Variants in ACTR3B observed in about 807,000 individuals in gnomAD.
ACTR3B encodes actin related protein 3B, also known as actin-related protein 3B.
In ACTR3B, 8 loss-of-function variants were observed where a neutral mutation model predicts 59.0. The observed-to-expected ratio is 0.14, with a 90% CI of 0.08 to 0.24. ACTR3B has a LOEUF of 0.24. ACTR3B is among the 10% of genes least tolerant of loss of function. The probability of loss-of-function intolerance (pLI) is 1.00; values close to 1 mark genes in which losing one functional copy is unlikely to be tolerated. For missense variants in ACTR3B, 245 were observed against 552.3 expected (o/e 0.44, Z 5.58); for synonymous variants, 148 against 197.9 (o/e 0.75, Z 2.12).
chr7:152,766,469 A>C (rs1365859944), intron 1 of ACTR3B, among the ~76,000 whole-genome samples: 3 of 152,196 alleles, frequency 2.0e-5, no homozygotes, highest in African/African-American at 7.2e-5. Flanking sequence ...AACTACTTTT[A>C]GCATTTAGGG....
intron 7 of ACTR3B, among the ~76,000 whole-genome samples, chr7:152,821,689 T>A (rs1340334322): frequency 1.3e-5 from 2 of 152,058 alleles, no homozygotes; most frequent in Non-Finnish European, 2.9e-5. Flanking sequence ...ACTGTGTGTC[T>A]CCCCCCTGTG....
chr7:152,823,642 C>A (rs1327849098), intron 8 of ACTR3B, 127 bp downstream of exon 8: 15 of 1,207,292 alleles, frequency 1.2e-5, no homozygotes, highest in East Asian at 2.4e-5. Flanking sequence ...CTCTCTGCAT[C>A]CCCTGTGCAG....
At chr7:152,828,550 CTGTGGGTT>C (rs1796766719) in intron 9 of ACTR3B, among the ~76,000 whole-genome samples, 1 of 151,968 alleles carries the variant, frequency 6.6e-6, no homozygotes, top group Non-Finnish European at 1.5e-5. Flanking sequence ...ATCAGTAGGT[CTGTGGGTT>C]TTTAAAAATA....
At chr7:152,800,802 G>T (rs2098233270) in intron 3 of ACTR3B, 147 bp downstream of exon 3, 3 of 995,030 alleles carry the variant, frequency 3.0e-6, no homozygotes, top group South Asian at 1.8e-5. Flanking sequence ...GTGATGGTTG[G>T]TTTTGAATGG....
intron 7 of ACTR3B, among the ~76,000 whole-genome samples, chr7:152,822,962 G>A (rs373146693): frequency 2.0e-5 from 3 of 152,228 alleles, no homozygotes; most frequent in Non-Finnish European, 2.9e-5. Context: ...GCACGGGTCC[G>A]CTGGTCCAGT....
chr7:152,792,662 T>G (rs963477737), intron 2 of ACTR3B, among the ~76,000 whole-genome samples: 1 of 152,034 alleles, frequency 6.6e-6, no homozygotes, highest in African/African-American at 2.4e-5. Flanking sequence ...GCAGGAGAAT[T>G]GCTTGAACCT....
At chr7:152,799,311 T>C (rs970438774) in intron 2 of ACTR3B, among the ~76,000 whole-genome samples, 1 of 152,242 alleles carries the variant, frequency 6.6e-6, no homozygotes, top group African/African-American at 2.4e-5. Flanking sequence ...ATTTCTCTAA[T>C]GTCTGTTCTG....
At chr7:152,832,901 A>G (rs139700442) in intron 9 of ACTR3B, among the ~76,000 whole-genome samples, 4,469 of 152,256 alleles carry the variant, frequency 0.029, 95 homozygotes, top group Middle Eastern at 0.099. Context: ...CATCCACAAA[A>G]CACCCTCACA....
chr7:152,839,033 C>T (rs1797681851), intron 9 of ACTR3B, among the ~76,000 whole-genome samples: 1 of 151,470 alleles, frequency 6.6e-6, no homozygotes, highest in African/African-American at 2.4e-5. Flanking sequence ...GACTTGCGAC[C>T]TGGCAGGGAG....
At chr7:152,791,879 G>A (rs2116679734) in intron 2 of ACTR3B, among the ~76,000 whole-genome samples, 1 of 152,216 alleles carries the variant, frequency 6.6e-6, no homozygotes, top group African/African-American at 2.4e-5. Context: ...CAGCAGTAAT[G>A]CTACTACTCA....
At chr7:152,834,901 A>G (rs1271192479) in intron 9 of ACTR3B, among the ~76,000 whole-genome samples, 1 of 152,200 alleles carries the variant, frequency 6.6e-6, no homozygotes, top group Non-Finnish European at 1.5e-5. Flanking sequence ...TTCCAGTTGC[A>G]GTTCTGAGTG....
At position 152,823,488 on chromosome 7, in the gene ACTR3B, G is replaced by A. The variant is rs1485209599; in HGVS notation, c.831G>A (p.Leu277=). Residue 277 remains leucine, a synonymous_variant, in exon 8 of 12, where the codon CTG becomes CTA. Coordinates refer to ENST00000256001, the MANE Select transcript of ACTR3B (RefSeq NM_020445.6). ...TAGACGTTGGTTACGAAAGATTCCTGGGACCTGAAATATTCTTTCACCCGG... is the reference window on the plus strand; with the variant it reads ...TAGACGTTGGTTACGAAAGATTCCTAGGACCTGAAATATTCTTTCACCCGG... The part of the protein sequence containing the change: ...FVIDVGYERF[L]GPEIFFHPEF... 5.0e-6 allele frequency: 8 copies of A among 1,614,020 alleles called. No homozygotes were observed. Among genetic ancestry groups the A allele is most frequent in the Non-Finnish European group, 5.9e-6 (7 of 1,180,010 alleles).
rs186316904 is a variant in ACTR3B at position 152,809,020 on chromosome 7, C to T, written c.337-5530C>T. Among the ~76,000 whole-genome samples, 5 of 152,138 alleles carry T rather than the reference C, an allele frequency of 3.3e-5. No individual in the cohort carries two copies. In the East Asian group the frequency reaches 5.8e-4, roughly 18 times the overall value. On this transcript the variant is annotated intron_variant, in intron 4 of 11. Coordinates refer to ENST00000256001, the MANE Select transcript of ACTR3B (RefSeq NM_020445.6). ...AATGAAGGAAATCTAAAGTAGTAAT[C>T]GCTAACATTTATACTTCTAACTGTG...
chr7:152,793,355 T>C, intron 2 of ACTR3B, among the ~76,000 whole-genome samples: 1 of 121,260 alleles, frequency 8.2e-6, no homozygotes, highest in Non-Finnish European at 1.7e-5. Flanking sequence ...TCTTCCAGTC[T>C]ATTTTCTCTC....
At chr7:152,763,788 CTA>C (rs1048196200) in intron 1 of ACTR3B, among the ~76,000 whole-genome samples, 1 of 152,090 alleles carries the variant, frequency 6.6e-6, no homozygotes, top group African/African-American at 2.4e-5. Flanking sequence ...TTTTTGAACT[CTA>C]TTATTCTGTC....
At chr7:152,853,798 C>G (rs1418755477) in intron 11 of ACTR3B, among the ~76,000 whole-genome samples, 1 of 152,076 alleles carries the variant, frequency 6.6e-6, no homozygotes, top group Non-Finnish European at 1.5e-5. Flanking sequence ...CTCACTGCAA[C>G]CTCCGCCTCC....
At chr7:152,834,193 G>A (rs140115035) in intron 9 of ACTR3B, among the ~76,000 whole-genome samples, 2 of 148,498 alleles carry the variant, frequency 1.3e-5, no homozygotes, top group African/African-American at 5.0e-5. Flanking sequence ...CGCTCTTGTC[G>A]CCCAGCCTGG....
At chr7:152,821,374 C>T (rs1796138762) in intron 7 of ACTR3B, among the ~76,000 whole-genome samples, 2 of 152,022 alleles carry the variant, frequency 1.3e-5, no homozygotes, top group South Asian at 4.1e-4. Flanking sequence ...CATCTATAAT[C>T]CTAGGGCTTT....
At chr7:152,813,304 T>G (rs2116814992) in intron 4 of ACTR3B, 1 of 145,358 alleles carries the variant, frequency 6.9e-6, no homozygotes, top group African/African-American at 2.6e-5. Flanking sequence ...TTTTTTCAGT[T>G]TTAAATACGA....
Sources: gnomAD v4.1 joint callset for allele counts (sites outside exome capture counted in the v4.1 genomes callset) on GRCh38, gnomAD v4.1.1 for gene constraint, MANE v1.5 for transcripts, NCBI Gene and HGNC (gene_info 2026-07-23, HGNC 2026-07-21) for gene names.